Variants in MTMR3 observed in about 807,000 individuals in gnomAD.
The protein encoded by MTMR3 is myotubularin related protein 3, also known as phosphatidylinositol-3,5-bisphosphate 3-phosphatase MTMR3.
In MTMR3, 32 loss-of-function variants were observed where a neutral mutation model predicts 132.4. The ratio of observed to expected loss-of-function variants is 0.24; its 90% CI spans 0.18 to 0.32. The LOEUF is 0.32. Among genes scored for constraint, MTMR3 ranks in the 10% least tolerant of loss-of-function variants. The pLI is 1.00. For synonymous variants in MTMR3, 556 were observed against 550.3 expected (o/e 1.01, Z -0.14); for missense variants, 1,216 against 1,489.6 (o/e 0.82, Z 3.02).
Position 29,902,471 on chromosome 22 carries a change from G to A in MTMR3, c.-138+19112G>A, listed in dbSNP as rs1489813555. 2.1e-4 allele frequency among the ~76,000 whole-genome samples: 31 copies of A among 149,540 alleles called. 1 individual carries two copies. Among genetic ancestry groups the A allele is most frequent in the African/African-American group, 6.4e-4 (26 of 40,558 alleles). On this transcript the variant is annotated intron_variant, in intron 1 of 19. Coordinates refer to ENST00000401950, the MANE Select transcript of MTMR3 (RefSeq NM_021090.4). ...CGCCCAGGCTGGAGTGCAGTGGCGC[G>A]ATCTCCTGTCTCAGCCTCCTGAGTA...
intron 1 of MTMR3, among the ~76,000 whole-genome samples, chr22:29,947,769 T>C (rs1447120645): frequency 6.6e-6 from 1 of 152,174 alleles, no homozygotes; most frequent in Non-Finnish European, 1.5e-5. Context: ...TCTTCCTGTA[T>C]GTATTTGGAT....
intron 1 of MTMR3, among the ~76,000 whole-genome samples, 186 bp downstream of exon 1, chr22:29,883,545 A>T (rs1042481694): frequency 2.0e-5 from 3 of 149,474 alleles, no homozygotes; most frequent in African/African-American, 7.4e-5. Context: ...CGCCAGGGGG[A>T]GGCGCTGGGT....
chr22:30,022,425 A>T (rs2067786634), intron 18 of MTMR3, 184 bp from the exon 19 acceptor site: 1 of 629,388 alleles, frequency 1.6e-6, no homozygotes, highest in East Asian at 2.7e-5. Context: ...CTCAGGGGAG[A>T]TTGGAGTCCC....
At chr22:29,948,823 A>G (rs1409471021) in intron 1 of MTMR3, among the ~76,000 whole-genome samples, 2 of 150,074 alleles carry the variant, frequency 1.3e-5, no homozygotes, top group Non-Finnish European at 3.0e-5. Flanking sequence ...CAAAAAACCC[A>G]GCCAGGTGCT....
At chr22:29,915,965 C>T (rs547799272) in intron 1 of MTMR3, among the ~76,000 whole-genome samples, 11 of 152,232 alleles carry the variant, frequency 7.2e-5, no homozygotes, top group African/African-American at 1.9e-4. Context: ...CTTTAACTTA[C>T]GACATTCTGC....
chr22:29,906,286 G>GTCTA (rs369642536), intron 1 of MTMR3, among the ~76,000 whole-genome samples: 206 of 74,512 alleles, frequency 2.8e-3, no homozygotes, highest in Non-Finnish European at 3.6e-3. Context: ...CTGTCTGTCT[G>GTCTA]TCTATCTATC....
intron 1 of MTMR3, among the ~76,000 whole-genome samples, chr22:29,921,989 A>G (rs534662267): frequency 5.3e-4 from 80 of 151,560 alleles, no homozygotes; most frequent in African/African-American, 1.9e-3. Flanking sequence ...AGCTGGGACT[A>G]CAAGTATGCG....
At chr22:29,967,193 TTGTGTG>T (rs10680622) in intron 2 of MTMR3, among the ~76,000 whole-genome samples, 3,832 of 141,940 alleles carry the variant, frequency 0.027, 68 homozygotes, top group African/African-American at 0.037. Context: ...TTCACCTCTG[TTGTGTG>T]TGTGTGTGTG....
chr22:29,889,443 C>T (rs939870132), intron 1 of MTMR3, among the ~76,000 whole-genome samples: 6 of 151,868 alleles, frequency 4.0e-5, no homozygotes, highest in Non-Finnish European at 7.4e-5. Flanking sequence ...CCTGCCACCA[C>T]GCCTGGCTAA....
intron 7 of MTMR3, chr22:29,993,188 C>A (rs976419150): frequency 3.3e-4 from 51 of 152,340 alleles, no homozygotes; most frequent in African/African-American, 1.2e-3. Context: ...TACGAGAGAC[C>A]ACACCAACCT....
chr22:29,913,334 A>G (rs1016215064), intron 1 of MTMR3, among the ~76,000 whole-genome samples: 3 of 152,198 alleles, frequency 2.0e-5, no homozygotes, highest in Non-Finnish European at 4.4e-5. Flanking sequence ...ATTTACAGTA[A>G]AGTGATCTAT....
At chr22:29,979,137 A>T in intron 5 of MTMR3, 85 bp downstream of exon 5, 1 of 898,382 alleles carries the variant, frequency 1.1e-6, no homozygotes, top group Non-Finnish European at 1.9e-6. Flanking sequence ...GAGGAGAGGC[A>T]TACAGAATTG....
chr22:29,962,966 C>T (rs940933072), intron 2 of MTMR3, among the ~76,000 whole-genome samples: 1 of 146,462 alleles, frequency 6.8e-6, no homozygotes, highest in African/African-American at 2.5e-5. Flanking sequence ...TTCTGGTGTG[C>T]CGTGGCATGA....
chr22:29,998,767 A>C lies in MTMR3; in HGVS notation c.467A>C (p.His156Pro). ...QHGDLCRPGE[H>P]VTSRFKNEVE... ...GTTTATCTTTGGCCTCTAGGGGAGC[A>C]TGTAACTTCAAGGTTTAAAAACGAG... The change falls in exon 8 of 20, where the codon CAT (histidine) becomes CCT (proline). Residue 156 changes from histidine to proline, a missense_variant. Transcript: ENST00000401950. 2 of 1,612,426 alleles carry C rather than the reference A, an allele frequency of 1.2e-6. No individual in the cohort carries two copies. Among genetic ancestry groups the C allele is most frequent in the Non-Finnish European group, 1.7e-6 (2 of 1,179,080 alleles).
At chr22:29,951,379 G>C (rs886456039) in intron 1 of MTMR3, among the ~76,000 whole-genome samples, 8 of 152,234 alleles carry the variant, frequency 5.3e-5, no homozygotes, top group African/African-American at 1.7e-4. Flanking sequence ...GAAAATGCTT[G>C]TAAAATAAGT....
At chr22:29,937,772 C>T (rs1360451569) in intron 1 of MTMR3, among the ~76,000 whole-genome samples, 1 of 152,066 alleles carries the variant, frequency 6.6e-6, no homozygotes, top group East Asian at 1.9e-4. Context: ...ACCCAAAATG[C>T]ATTTCATAAA....
intron 1 of MTMR3, among the ~76,000 whole-genome samples, chr22:29,885,373 T>G (rs1447249525): frequency 1.3e-5 from 2 of 152,180 alleles, no homozygotes; most frequent in African/African-American, 4.8e-5. Context: ...CATGAGAAAC[T>G]TAAAGAGATG....
intron 8 of MTMR3, 136 bp from the exon 9 acceptor site, chr22:30,002,744 T>A (rs113758734): frequency 1.9e-6 from 1 of 515,488 alleles, no homozygotes. Flanking sequence ...ATAAAGCGCC[T>A]CATTGCCTTT....
intron 1 of MTMR3, among the ~76,000 whole-genome samples, chr22:29,942,587 T>G (rs548770215): frequency 2.4e-4 from 36 of 152,296 alleles, no homozygotes; most frequent in Admixed American, 3.9e-4. Flanking sequence ...ATCCCTCCGC[T>G]ACGACCGTAA....
Sources: allele counts gnomAD v4.1 joint callset (sites outside exome capture counted in the v4.1 genomes callset), GRCh38; gene constraint gnomAD v4.1.1; transcripts MANE v1.5; gene names NCBI Gene and HGNC (gene_info 2026-07-23, HGNC 2026-07-21).